GRIP1: variants seen among roughly 807,000 people sequenced by gnomAD.
GRIP1 encodes the protein glutamate receptor-interacting protein 1.
In GRIP1, 45 loss-of-function variants were observed where a neutral mutation model predicts 129.9. The ratio of observed to expected loss-of-function variants is 0.35; its 90% CI spans 0.27 to 0.44. The LOEUF (loss-of-function observed/expected upper bound fraction) is 0.44. Among genes scored for constraint, GRIP1 ranks in the 20% least tolerant of loss-of-function variants. The probability of loss-of-function intolerance (pLI) is 1.00; values close to 1 mark genes in which losing one functional copy is unlikely to be tolerated. For synonymous variants in GRIP1, 530 were observed against 520.8 expected, an observed-to-expected ratio of 1.02 and a Z score of -0.24; for missense variants, 1,196 against 1,396.8, an observed-to-expected ratio of 0.86 and a Z score of 2.29.
chr12:66,484,617 C>G (rs891512886), intron 7 of GRIP1, among the ~76,000 whole-genome samples: 3 of 151,884 alleles, frequency 2.0e-5, no homozygotes, highest in Non-Finnish European at 4.4e-5. Context: ...TATGTGGGAG[C>G]TAAAAAAGTT....
At chr12:66,807,595 A>C (rs1333665848), upstream of GRIP1, among the ~76,000 whole-genome samples, 1 of 151,976 alleles carries the variant, frequency 6.6e-6, no homozygotes, top group Non-Finnish European at 1.5e-5. Flanking sequence ...AATGGCGTGA[A>C]CCTGGGAGGT....
At chr12:66,945,377 T>C (rs1318633919) in intron 1 of GRIP1, among the ~76,000 whole-genome samples, 1 of 152,216 alleles carries the variant, frequency 6.6e-6, no homozygotes, top group Non-Finnish European at 1.5e-5. Flanking sequence ...TGTGTTGCTA[T>C]AAAGAATTAT....
intron 14 of GRIP1, among the ~76,000 whole-genome samples, chr12:66,424,488 T>C (rs373063248): frequency 3.3e-5 from 5 of 152,162 alleles, no homozygotes; most frequent in African/African-American, 9.7e-5. Flanking sequence ...CATTTTCTAT[T>C]TACTTTCTAT....
chr12:66,632,500 C>T (rs2030909659), intron 1 of GRIP1, among the ~76,000 whole-genome samples: 1 of 152,136 alleles, frequency 6.6e-6, no homozygotes, highest in South Asian at 2.1e-4. Context: ...CTCCTTTTTC[C>T]CATGCTTCCT....
chr12:66,535,670 T>C (rs1365771691), intron 4 of GRIP1, among the ~76,000 whole-genome samples: 1 of 152,204 alleles, frequency 6.6e-6, no homozygotes, highest in Non-Finnish European at 1.5e-5. Context: ...CGAAAAAATG[T>C]TGTAGCAAGG....
chr12:66,348,467 C>T lies in GRIP1; in HGVS notation c.*552G>A, dbSNP rs923267234. 5 of 161,700 alleles carry T rather than the reference C, an allele frequency of 3.1e-5. No homozygotes were observed. The highest frequency in any genetic ancestry group is 4.8e-5 in the African/African-American group (2 of 41,476). The allele number at this position is 161,700 out of a possible 1,614,324, so 10.0% of individuals were successfully genotyped here. A position where few individuals can be genotyped will look rare whatever the true frequency, so the allele number is the denominator to read the frequency against. ...TACCACCACCTATTATGGTCTCCTACGTGCATCATTGCTGAAACATTTTAA... is the reference window on the plus strand; with the variant it reads ...TACCACCACCTATTATGGTCTCCTATGTGCATCATTGCTGAAACATTTTAA... On this transcript the variant is annotated 3_prime_UTR_variant, in exon 25 of 25. Coordinates refer to ENST00000359742, the MANE Select transcript of GRIP1 (RefSeq NM_001366722.1).
chr12:66,878,727 G>A (rs752199517), intron 1 of GRIP1, among the ~76,000 whole-genome samples: 2 of 152,058 alleles, frequency 1.3e-5, no homozygotes, highest in Non-Finnish European at 2.9e-5. Flanking sequence ...TACATTGTTA[G>A]CTGGTAAACT....
At chr12:67,068,966 G>A in intron 1 of GRIP1, 2 of 605,896 alleles carry the variant, frequency 3.3e-6, no homozygotes, top group South Asian at 7.3e-5. Context: ...TGGACGGGTC[G>A]GGAGGGAGCC....
At chr12:66,918,295 A>C (rs547446870) in intron 1 of GRIP1, among the ~76,000 whole-genome samples, 4 of 151,850 alleles carry the variant, frequency 2.6e-5, no homozygotes, top group Non-Finnish European at 5.9e-5. Context: ...GGCAAGAGGT[A>C]TTCTTTTATT....
At chr12:66,584,655 C>T (rs946959572) in intron 2 of GRIP1, among the ~76,000 whole-genome samples, 28 of 152,024 alleles carry the variant, frequency 1.8e-4, no homozygotes, top group Non-Finnish European at 1.5e-4. Flanking sequence ...GGGAATGTCA[C>T]GGGCCTCAGC....
intron 1 of GRIP1, among the ~76,000 whole-genome samples, chr12:66,828,020 T>A (rs1412178136): frequency 6.6e-6 from 1 of 152,168 alleles, no homozygotes; most frequent in African/African-American, 2.4e-5. Context: ...GAGATACACA[T>A]CACTGTCAAA....
intron 2 of GRIP1, chr12:66,563,862 A>G (rs746392488): frequency 6.6e-6 from 1 of 152,420 alleles, no homozygotes; most frequent in Non-Finnish European, 1.5e-5. Flanking sequence ...TGCAATAAGA[A>G]GGGAATGAAC....
At chr12:67,014,246 C>T (rs549092780) in intron 1 of GRIP1, among the ~76,000 whole-genome samples, 15 of 152,250 alleles carry the variant, frequency 9.9e-5, no homozygotes, top group African/African-American at 3.4e-4. Context: ...CCTGGAGAGT[C>T]ACAGTTTACA....
intron 1 of GRIP1, among the ~76,000 whole-genome samples, chr12:66,894,918 A>T (rs1442750724): frequency 2.6e-5 from 4 of 152,164 alleles, no homozygotes; most frequent in African/African-American, 4.8e-5. Flanking sequence ...CCCCTCTCTC[A>T]GGGTCTTGCT....
chr12:66,522,261 A>G (rs1206357258), intron 5 of GRIP1, among the ~76,000 whole-genome samples: 2 of 152,224 alleles, frequency 1.3e-5, no homozygotes, highest in East Asian at 3.9e-4. Flanking sequence ...AAATAGGGGC[A>G]GACTGACACC....
intron 2 of GRIP1, among the ~76,000 whole-genome samples, chr12:66,594,995 T>C (rs968100449): frequency 1.3e-5 from 2 of 152,248 alleles, no homozygotes; most frequent in Non-Finnish European, 2.9e-5. Flanking sequence ...TATTAAGTAA[T>C]AATCTACTGT....
intron 23 of GRIP1, among the ~76,000 whole-genome samples, chr12:66,369,896 A>G (rs1207875985): frequency 5.9e-5 from 9 of 152,192 alleles, no homozygotes; most frequent in Non-Finnish European, 1.2e-4. Flanking sequence ...AGACACATCT[A>G]TTTAGGGTAA....
intron 19 of GRIP1, among the ~76,000 whole-genome samples, chr12:66,384,625 T>C (rs1236717743): frequency 6.6e-6 from 1 of 152,052 alleles, no homozygotes; most frequent in Admixed American, 6.6e-5. Context: ...CTAGATTTGG[T>C]TTTGCTAAAG....
chr12:67,057,318 A>G (rs1189260249), intron 1 of GRIP1, among the ~76,000 whole-genome samples: 3 of 152,068 alleles, frequency 2.0e-5, no homozygotes, highest in East Asian at 3.9e-4. Flanking sequence ...TCTCTGCACT[A>G]CACCTACCAA....
Sources: gnomAD v4.1 joint callset for allele counts (sites outside exome capture counted in the v4.1 genomes callset) on GRCh38, gnomAD v4.1.1 for gene constraint, MANE v1.5 for transcripts, NCBI Gene and HGNC (gene_info 2026-07-23, HGNC 2026-07-21) for gene names.